NEK1: variants seen among roughly 807,000 people sequenced by gnomAD.
NEK1 encodes the protein serine/threonine-protein kinase Nek1.
Under a neutral mutation model 182.1 loss-of-function variants are expected in NEK1, and 137 were observed. That is an observed-to-expected ratio of 0.75 (90% CI 0.65 to 0.87). The LOEUF (loss-of-function observed/expected upper bound fraction) is 0.87, where lower values mean the gene tolerates loss of function less well. Ranked by LOEUF, NEK1 falls within the 40% of genes least tolerant of loss-of-function variation. NEK1 has a pLI of 0.00. For synonymous variants in NEK1, 513 were observed against 492.2 expected (o/e 1.04, Z -0.56); for missense variants, 1,391 against 1,494.4 (o/e 0.93, Z 1.14).
In NEK1 at chr4:169,426,143, T is replaced by C. The variant is rs1736348366; in HGVS notation, c.2974+3A>G. 6.2e-7 allele frequency: 1 copy of C among 1,608,348 alleles called. No individual in the cohort carries two copies. ...GTAATTAGACTAATGCAATGATGCT[T>C]ACCTATATGAATGTCACTAAGTTGG... On this transcript the variant is annotated splice_donor_region_variant and intron_variant, in intron 30 of 35. Coordinates refer to ENST00000507142, the MANE Select transcript of NEK1 (RefSeq NM_001199397.3).
intron 31 of NEK1, 126 bp downstream of exon 31, chr4:169,424,427 G>T (rs1736008344): frequency 3.5e-6 from 4 of 1,138,806 alleles, no homozygotes; most frequent in Non-Finnish European, 3.5e-6. Flanking sequence ...GAAGATGGAG[G>T]TTTTTGTTGG....
Position 169,561,848 on chromosome 4 carries a change from T to C in NEK1, c.1124A>G (p.Lys375Arg). The change falls in exon 14 of 36, where the codon AAG becomes AGG. Residue 375 changes from lysine to arginine, a missense_variant. Physicochemically the swap from Lys to Arg is conservative, Grantham distance 26. Around this residue, in one of 5 missense-constraint regions of NEK1, gnomAD observed 1,216 missense variants for 1,277.6 expected, o/e 0.95. Transcript: ENST00000507142. ...AAAAACTACCTGATCCTTTTGTTTC[T>C]TTTCTTTTTCAATAAATTCCAGCCT... Reference protein sequence around the residue: ...KRRLEFIEKEKKQKDQIISLM... With the variant: ...KRRLEFIEKERKQKDQIISLM... The C allele has an allele frequency of 6.2e-7, 1 of 1,610,408 alleles. No individual in the cohort carries two copies. The highest frequency in any genetic ancestry group is 8.5e-7 in the Non-Finnish European group (1 of 1,178,704).
chr4:169,590,817 G>T lies in NEK1; in HGVS notation c.313-8C>A, dbSNP rs1322301177. The stretch of plus-strand genomic sequence containing the variant: ...TACAAACCAGTCCAAAATCTAGGAA[G>T]AAAAATCAGATCTGTCAAGCCTCTC... On this transcript the variant is annotated splice_region_variant and splice_polypyrimidine_tract_variant and intron_variant, in intron 5 of 35. Transcript: ENST00000507142. The T allele has an allele frequency of 1.3e-6, 2 of 1,560,068 alleles. No homozygotes were observed. Among genetic ancestry groups the T allele is most frequent in the East Asian group, 2.3e-5 (1 of 43,546 alleles).
chr4:169,577,003 A>AT lies in NEK1; in HGVS notation c.944dup (p.Tyr315Ter). ...AQKITKPAAK[Y>*]GIPLAYKKYG... ...ATTTCTTATATGCTAAAGGTATTCC[A>AT]TATTTAGCGGCAGGCTTTGTAATTT... The change falls in exon 12 of 36, where the codon TAT becomes TAAT. Residue 315 changes from tyrosine (Y) to a stop codon, truncating the protein, a stop_gained and frameshift_variant. Transcript: ENST00000507142. LOFTEE classifies it high-confidence loss of function. 1 of 1,613,506 alleles carries AT rather than the reference A, an allele frequency of 6.2e-7. No homozygotes were observed. Among genetic ancestry groups the AT allele is most frequent in the South Asian group, 1.1e-5 (1 of 91,070 alleles).
chr4:169,513,409 T>C (rs891920396), intron 19 of NEK1, among the ~76,000 whole-genome samples: 1 of 152,208 alleles, frequency 6.6e-6, no homozygotes, highest in Non-Finnish European at 1.5e-5. Flanking sequence ...CAATTGATTT[T>C]TGTGTACTGA....
intron 15 of NEK1, 51 bp downstream of exon 15, chr4:169,561,636 A>T: frequency 2.5e-6 from 4 of 1,577,614 alleles, no homozygotes; most frequent in Non-Finnish European, 3.5e-6. Flanking sequence ...ATAAACTGAA[A>T]ATCAGTGTAT....
In NEK1 at chr4:169,590,752, T is replaced by C; in HGVS notation, c.370A>G (p.Ile124Val). Residue 124 changes from isoleucine to valine, a missense_variant, in exon 6 of 36, where the codon ATT becomes GTT. Ile to Val is a conservative substitution (Grantham distance 29). Around this residue, in one of 5 missense-constraint regions of NEK1, gnomAD observed 116 missense variants for 114.5 expected, o/e 1.01. Transcript: ENST00000507142. ...TGAGATTTAATGTCTCGATGAAGAA[T>C]TTTTCTATCATGTACATGTTTCAGG... ...LALKHVHDRK[I>V]LHRDIKSQNI... 1 of 1,597,404 alleles carries C rather than the reference T, an allele frequency of 6.3e-7. No homozygotes were observed. Among genetic ancestry groups the C allele is most frequent in the African/African-American group, 1.3e-5 (1 of 74,818 alleles).
chr4:169,432,278 G>A (rs1429578906), intron 29 of NEK1, among the ~76,000 whole-genome samples: 1 of 152,128 alleles, frequency 6.6e-6, no homozygotes, highest in Admixed American at 6.5e-5. Context: ...AGAAAATGGG[G>A]TTCAGACATT....
At chr4:169,492,614 A>G (rs1052840052) in intron 23 of NEK1, among the ~76,000 whole-genome samples, 3 of 152,138 alleles carry the variant, frequency 2.0e-5, no homozygotes, top group South Asian at 4.1e-4. Context: ...CCCACCTCTG[A>G]TCCAAACTGA....
chr4:169,445,849 C>CT (rs1740414903), intron 27 of NEK1, among the ~76,000 whole-genome samples: 1 of 140,176 alleles, frequency 7.1e-6, no homozygotes, highest in African/African-American at 2.9e-5. Flanking sequence ...CAACTATATA[C>CT]ATATATATAT....
chr4:169,455,544 T>C (rs908450728), intron 27 of NEK1, among the ~76,000 whole-genome samples: 4 of 152,190 alleles, frequency 2.6e-5, no homozygotes, highest in African/African-American at 9.7e-5. Flanking sequence ...AATTATAAAA[T>C]GGTCAATTCA....
intron 2 of NEK1, among the ~76,000 whole-genome samples, chr4:169,607,560 T>G (rs192971770): frequency 2.0e-5 from 3 of 152,248 alleles, no homozygotes; most frequent in South Asian, 4.2e-4. Context: ...CCTCCCAGGT[T>G]CACGCCATTC....
intron 27 of NEK1, among the ~76,000 whole-genome samples, chr4:169,457,679 G>A (rs1372801715): frequency 7.4e-6 from 1 of 134,892 alleles, no homozygotes; most frequent in African/African-American, 2.8e-5. Flanking sequence ...AAGGAAGGAA[G>A]GAAGGAGAGA....
chr4:169,406,683 G>T lies in NEK1; in HGVS notation c.3287C>A (p.Thr1096Asn), dbSNP rs371901834. Reference protein sequence around the residue: ...KLFRTLMDVPTVGDVRQDNLE... With the variant: ...KLFRTLMDVPNVGDVRQDNLE... ...ATTGTCTTGACGAACATCTCCTACG[G>T]TGGGAACATCCATAAGGGTTCTGAA... Residue 1096 changes from threonine to asparagine, a missense_variant, in exon 32 of 36, where the codon ACC (threonine) becomes AAC (asparagine). By Grantham distance (65) the Thr-to-Asn change is moderately conservative. Around this residue, in one of 5 missense-constraint regions of NEK1, gnomAD observed 1,216 missense variants for 1,277.6 expected, o/e 0.95. Transcript: ENST00000507142. 6.2e-7 allele frequency: 1 copy of T among 1,609,756 alleles called. No homozygotes were observed. The highest frequency in any genetic ancestry group is 1.1e-5 in the South Asian group (1 of 90,322).
chr4:169,574,337 C>A (rs1332376220), intron 12 of NEK1, among the ~76,000 whole-genome samples: 4 of 151,938 alleles, frequency 2.6e-5, no homozygotes, highest in Admixed American at 6.6e-5. Flanking sequence ...GGCTCATGCC[C>A]GTAATCCCAG....
Position 169,561,828 on chromosome 4 carries a change from C to G in NEK1, c.1140+4G>C. On this transcript the variant is annotated splice_donor_region_variant and intron_variant, in intron 14 of 35. Coordinates refer to ENST00000507142, the MANE Select transcript of NEK1 (RefSeq NM_001199397.3). The stretch of plus-strand genomic sequence containing the variant: ...AAGGTAGAAAAACAAGAGCAAAAAA[C>G]TACCTGATCCTTTTGTTTCTTTTCT... 6.2e-7 allele frequency: 1 copy of G among 1,609,906 alleles called. No homozygotes were observed. The highest frequency in any genetic ancestry group is 8.5e-7 in the Non-Finnish European group (1 of 1,178,346).
intron 5 of NEK1, among the ~76,000 whole-genome samples, chr4:169,598,272 A>G (rs1274506395): frequency 6.6e-6 from 1 of 152,200 alleles, no homozygotes; most frequent in Non-Finnish European, 1.5e-5. Context: ...CCAAATTAGA[A>G]GAGATAACAA....
chr4:169,422,406 G>A (rs187071003), intron 31 of NEK1, among the ~76,000 whole-genome samples: 3 of 152,134 alleles, frequency 2.0e-5, no homozygotes, highest in South Asian at 2.1e-4. Context: ...TTGATGACAC[G>A]GGTTAGAGTG....
intron 23 of NEK1, among the ~76,000 whole-genome samples, chr4:169,487,174 T>A (rs1018642775): frequency 5.3e-5 from 8 of 152,198 alleles, no homozygotes; most frequent in African/African-American, 1.9e-4. Flanking sequence ...CCTTCACTTT[T>A]AAGTTCCAGG....
Sources: gnomAD v4.1 joint callset for allele counts (sites outside exome capture counted in the v4.1 genomes callset) on GRCh38, gnomAD v4.1.1 for gene constraint, gnomAD v4.1.1 regional missense constraint, MANE v1.5 for transcripts, NCBI Gene and HGNC (gene_info 2026-07-23, HGNC 2026-07-21) for gene names.